COPS4: variants seen among roughly 807,000 people sequenced by gnomAD.
COPS4 encodes the protein COP9 signalosome complex subunit 4.
In COPS4, 8 loss-of-function variants were observed where a neutral mutation model predicts 55.1. The observed-to-expected ratio is 0.15, with a 90% CI of 0.09 to 0.26. COPS4 has a LOEUF of 0.26. Among genes scored for constraint, COPS4 ranks in the 10% least tolerant of loss-of-function variants. The pLI is 1.00. For missense variants in COPS4, 248 were observed against 484.0 expected (o/e 0.51, Z 4.58); for synonymous variants, 185 against 165.7 (o/e 1.12, Z -0.90).
Position 83,075,550 on chromosome 4 carries a change from C to A in COPS4, c.*120C>A. 9.0e-7 allele frequency: 1 copy of A among 1,112,370 alleles called. No homozygotes were observed. The highest frequency in any genetic ancestry group is 1.3e-6 in the Non-Finnish European group (1 of 796,504). 68.9% of individuals were successfully genotyped at this position (1,112,370 alleles called of 1,614,324 possible). ...TTTCAATCCCTTTTATGCTGGATTC[C>A]GTTTAAAGAAGACATTATTAGAGCA... On this transcript the variant is annotated 3_prime_UTR_variant, in exon 10 of 10. Coordinates refer to ENST00000264389, the MANE Select transcript of COPS4 (RefSeq NM_016129.3).
intron 1 of COPS4, among the ~76,000 whole-genome samples, chr4:83,039,621 C>A (rs1730508538): frequency 6.6e-6 from 1 of 152,050 alleles, no homozygotes; most frequent in African/African-American, 2.4e-5. Flanking sequence ...CTTGAGATGT[C>A]TTCAGTTATA....
chr4:83,060,767 GC>G (rs1731145740), intron 6 of COPS4, among the ~76,000 whole-genome samples: 1 of 150,092 alleles, frequency 6.7e-6, no homozygotes. Flanking sequence ...AGGCACGGTG[GC>G]TCACGCCTGT....
In COPS4 at chr4:83,047,050, G is replaced by A. The variant is rs181755367; in HGVS notation, c.154+1345G>A. On this transcript the variant is annotated intron_variant, in intron 2 of 9. Coordinates refer to ENST00000264389, the MANE Select transcript of COPS4 (RefSeq NM_016129.3). Reference sequence around the variant, plus strand: ...CCCAATAATGAATTCCAATTAATATGTGATTAATTAATTACAACTGCCTTA... The same window carrying A: ...CCCAATAATGAATTCCAATTAATATATGATTAATTAATTACAACTGCCTTA... Among the ~76,000 whole-genome samples, 6 of 152,138 alleles carry A rather than the reference G, an allele frequency of 3.9e-5. No individual in the cohort carries two copies. In the East Asian group the frequency reaches 9.6e-4, roughly 24 times the overall value.
chr4:83,047,959 C>A (rs1443667564), intron 2 of COPS4, among the ~76,000 whole-genome samples: 2 of 151,008 alleles, frequency 1.3e-5, no homozygotes, highest in Non-Finnish European at 2.9e-5. Flanking sequence ...CAAGATGGTG[C>A]CACTGCACTC....
chr4:83,050,804 T>G (rs978185636), intron 4 of COPS4, among the ~76,000 whole-genome samples: 1 of 152,130 alleles, frequency 6.6e-6, no homozygotes, highest in Admixed American at 6.6e-5. Flanking sequence ...TATAAGCCAT[T>G]GTAAGGAATT....
chr4:83,066,151 C>CA (rs992480413), intron 7 of COPS4, among the ~76,000 whole-genome samples: 19 of 146,554 alleles, frequency 1.3e-4, no homozygotes, highest in East Asian at 5.9e-4. Flanking sequence ...AACTCTGTCT[C>CA]AAAAAAAAAA....
Position 83,063,136 on chromosome 4 carries a change from C to T in COPS4, c.776C>T (p.Ala259Val). ...LFKDERCQQL[A>V]AYGILEKMYL... ...AAGGATGAAAGGTGCCAGCAACTTG[C>T]TGCCTATGGGATCCTAGAGAAAATG... Residue 259 changes from alanine (A) to valine (V), a missense_variant, in exon 7 of 10, where the codon GCT becomes GTT. By Grantham distance (64) the Ala-to-Val change is moderately conservative. This residue lies in a region of COPS4 where 155 missense variants were observed against 326.6 expected (regional missense o/e 0.47). Coordinates refer to ENST00000264389, the MANE Select transcript of COPS4 (RefSeq NM_016129.3). The T allele has an allele frequency of 6.2e-7, 1 of 1,608,710 alleles. No homozygotes were observed. The highest frequency in any genetic ancestry group is 1.3e-5 in the African/African-American group (1 of 74,652).
chr4:83,039,700 T>C (rs765538887), intron 1 of COPS4, among the ~76,000 whole-genome samples: 1 of 152,194 alleles, frequency 6.6e-6, no homozygotes, highest in Non-Finnish European at 1.5e-5. Flanking sequence ...AGAGAGATCA[T>C]GGCTTACTAC....
intron 4 of COPS4, among the ~76,000 whole-genome samples, chr4:83,053,121 G>A (rs1478559386): frequency 6.6e-6 from 1 of 151,834 alleles, no homozygotes; most frequent in East Asian, 1.9e-4. Context: ...TGTAGTCCTG[G>A]CTACAAGCCT....
At chr4:83,072,469 C>T (rs559103410) in intron 9 of COPS4, among the ~76,000 whole-genome samples, 4 of 152,266 alleles carry the variant, frequency 2.6e-5, no homozygotes, top group African/African-American at 9.6e-5. Context: ...AATTTTTTTG[C>T]ACTCAAATAG....
chr4:83,056,784 G>C, intron 4 of COPS4, 142 bp from the exon 5 acceptor site: 1 of 630,156 alleles, frequency 1.6e-6, no homozygotes, highest in East Asian at 3.0e-5. Context: ...GGGCGACAGA[G>C]CAAGACTCCA....
chr4:83,060,923 A>G (rs1731150371), intron 6 of COPS4, among the ~76,000 whole-genome samples: 1 of 151,628 alleles, frequency 6.6e-6, no homozygotes. Flanking sequence ...AATCCTAGCT[A>G]CTTGGGAGGC....
At chr4:83,075,224 T>G in intron 9 of COPS4, 73 bp from the exon 10 acceptor site, 11 of 1,403,904 alleles carry the variant, frequency 7.8e-6, no homozygotes, top group Non-Finnish European at 1.1e-5. Flanking sequence ...GTAAAAAGTA[T>G]ATATCTTTTA....
chr4:83,061,242 G>A (rs919802280), intron 6 of COPS4, among the ~76,000 whole-genome samples: 2 of 151,768 alleles, frequency 1.3e-5, no homozygotes, highest in African/African-American at 4.8e-5. Context: ...CACATGAAAA[G>A]TATACAGCTT....
intron 7 of COPS4, among the ~76,000 whole-genome samples, chr4:83,063,536 T>C (rs1385267451): frequency 6.6e-6 from 1 of 150,454 alleles, no homozygotes; most frequent in Non-Finnish European, 1.5e-5. Context: ...GCCTCCCGAG[T>C]AGCTGGGACT....
intron 6 of COPS4, among the ~76,000 whole-genome samples, chr4:83,062,738 T>C (rs1209064129): frequency 1.3e-5 from 2 of 152,214 alleles, no homozygotes; most frequent in Non-Finnish European, 2.9e-5. Context: ...TGATTTATAG[T>C]GTTGGCTGTG....
intron 4 of COPS4, among the ~76,000 whole-genome samples, chr4:83,054,744 C>T (rs932256363): frequency 2.6e-5 from 4 of 152,092 alleles, no homozygotes; most frequent in African/African-American, 9.7e-5. Context: ...TTGCAGTGGT[C>T]ATAATTATCA....
At position 83,075,653 on chromosome 4, in the gene COPS4, A is replaced by G. The variant is rs565782529; in HGVS notation, c.*223A>G. ...GTATTAAGCTAACTCAGATGTTTTGAAAGCTTTTTCTTTAAACAGAGGTGA... is the reference window on the plus strand; with the variant it reads ...GTATTAAGCTAACTCAGATGTTTTGGAAGCTTTTTCTTTAAACAGAGGTGA... On this transcript the variant is annotated 3_prime_UTR_variant, in exon 10 of 10. Coordinates refer to ENST00000264389, the MANE Select transcript of COPS4 (RefSeq NM_016129.3). The G allele has an allele frequency of 4.1e-4, 164 of 401,536 alleles. 1 individual carries two copies. Among genetic ancestry groups the G allele is most frequent in the Admixed American group, 1.8e-3 (40 of 22,678 alleles). The allele number at this position is 401,536 out of a possible 1,614,324, so 24.9% of individuals were successfully genotyped here.
intron 4 of COPS4, among the ~76,000 whole-genome samples, chr4:83,052,776 G>C (rs144842474): frequency 6.6e-5 from 10 of 152,150 alleles, no homozygotes; most frequent in Admixed American, 3.3e-4. Context: ...TAGTAGAAAC[G>C]GGGTTTCACC....
Sources: gnomAD v4.1 joint callset for allele counts (sites outside exome capture counted in the v4.1 genomes callset) on GRCh38, gnomAD v4.1.1 for gene constraint, gnomAD v4.1.1 regional missense constraint, MANE v1.5 for transcripts, NCBI Gene and HGNC (gene_info 2026-07-23, HGNC 2026-07-21) for gene names.